The following FAM120A variants were observed in gnomAD, a reference collection of about 807,000 sequenced individuals.
The protein encoded by FAM120A is constitutive coactivator of PPAR-gamma-like protein 1.
Under a neutral mutation model 109.7 loss-of-function variants are expected in FAM120A, and 15 were observed. The observed-to-expected ratio is 0.14, with a 90% CI of 0.09 to 0.21. The LOEUF is 0.21. Among genes scored for constraint, FAM120A ranks in the 10% least tolerant of loss-of-function variants. The pLI is 1.00. For synonymous variants in FAM120A, 493 were observed against 572.8 expected (o/e 0.86, Z 1.99); for missense variants, 899 against 1,439.3 (o/e 0.62, Z 6.07).
chr9:93,556,742 C>T, intron 13 of FAM120A, 151 bp downstream of exon 13: 2 of 708,860 alleles, frequency 2.8e-6, no homozygotes, highest in East Asian at 5.4e-5. Context: ...AATATCACTT[C>T]AGTACCCAGG....
At chr9:93,456,002 A>T (rs929872834) in intron 1 of FAM120A, among the ~76,000 whole-genome samples, 5 of 152,212 alleles carry the variant, frequency 3.3e-5, no homozygotes, top group African/African-American at 1.2e-4. Flanking sequence ...TCTTTTACAG[A>T]GTAGTAATTG....
At chr9:93,519,248 T>A (rs1159020476) in intron 7 of FAM120A, among the ~76,000 whole-genome samples, 1 of 152,194 alleles carries the variant, frequency 6.6e-6, no homozygotes, top group African/African-American at 2.4e-5. Flanking sequence ...TATGTATTTT[T>A]AAATTTTTTT....
intron 3 of FAM120A, among the ~76,000 whole-genome samples, chr9:93,496,389 T>C (rs958236318): frequency 1.3e-5 from 2 of 152,246 alleles, no homozygotes; most frequent in African/African-American, 4.8e-5. Flanking sequence ...GAAATGTATT[T>C]CTTTAATAAT....
intron 5 of FAM120A, among the ~76,000 whole-genome samples, chr9:93,510,407 A>G: frequency 6.6e-6 from 1 of 152,224 alleles, no homozygotes; most frequent in Non-Finnish European, 1.5e-5. Flanking sequence ...GGATGCACTT[A>G]GGTTTATTAA....
intron 11 of FAM120A, among the ~76,000 whole-genome samples, chr9:93,547,407 A>C (rs1268714355): frequency 6.6e-6 from 1 of 152,238 alleles, no homozygotes; most frequent in Non-Finnish European, 1.5e-5. Context: ...TGGGTGACAC[A>C]GCAGGTGGCC....
At chr9:93,523,360 A>G in intron 7 of FAM120A, 1 of 1,284,292 alleles carries the variant, frequency 7.8e-7, no homozygotes, top group South Asian at 1.2e-5. Context: ...ATCCTGAGGC[A>G]TGGGTAGGTA....
intron 3 of FAM120A, among the ~76,000 whole-genome samples, chr9:93,489,800 C>T (rs1859233839): frequency 6.6e-6 from 1 of 152,186 alleles, no homozygotes; most frequent in African/African-American, 2.4e-5. Context: ...TTTCCTTTCT[C>T]TTGACTGTTG....
At chr9:93,546,001 G>A (rs1351613909) in intron 11 of FAM120A, among the ~76,000 whole-genome samples, 1 of 151,740 alleles carries the variant, frequency 6.6e-6, no homozygotes, top group African/African-American at 2.4e-5. Context: ...GGTCAGGCTG[G>A]TCTTGAACTC....
chr9:93,523,914 C>G (rs1860953862), intron 7 of FAM120A, among the ~76,000 whole-genome samples: 1 of 152,222 alleles, frequency 6.6e-6, no homozygotes, highest in African/African-American at 2.4e-5. Context: ...CTTGTAGCTT[C>G]CCTGGTCAGG....
At chr9:93,554,927 A>G (rs547920091) in intron 12 of FAM120A, among the ~76,000 whole-genome samples, 32 of 152,276 alleles carry the variant, frequency 2.1e-4, no homozygotes, top group Admixed American at 2.0e-3. Flanking sequence ...CTGCAGTGCA[A>G]GGGGCCAGGA....
At chr9:93,525,284 C>T (rs945296418) in intron 7 of FAM120A, among the ~76,000 whole-genome samples, 10 of 150,060 alleles carry the variant, frequency 6.7e-5, no homozygotes, top group South Asian at 4.2e-4. Flanking sequence ...CATGGTGCCT[C>T]GGCTCTCCAG....
intron 1 of FAM120A, among the ~76,000 whole-genome samples, chr9:93,454,464 C>T (rs16909150): frequency 0.076 from 11,616 of 152,210 alleles, 572 homozygotes; most frequent in Non-Finnish European, 0.1. Context: ...CTGAAGAATC[C>T]TTTAAGCTCT....
At chr9:93,562,354 C>A in intron 17 of FAM120A, 50 bp downstream of exon 17, 1 of 1,430,394 alleles carries the variant, frequency 7.0e-7, no homozygotes. Context: ...TCAGGGATGT[C>A]TCCTGTCTGA....
intron 7 of FAM120A, among the ~76,000 whole-genome samples, chr9:93,520,500 G>A (rs1860801060): frequency 6.6e-6 from 1 of 152,214 alleles, no homozygotes; most frequent in South Asian, 2.1e-4. Flanking sequence ...CTATAAAATT[G>A]TCAAACATTT....
At chr9:93,455,573 C>G (rs1272890860) in intron 1 of FAM120A, among the ~76,000 whole-genome samples, 2 of 152,076 alleles carry the variant, frequency 1.3e-5, no homozygotes, top group Non-Finnish European at 2.9e-5. Context: ...GTAAATGAGA[C>G]ATTTATAAAA....
At chr9:93,550,489 G>A (rs1215331991) in intron 11 of FAM120A, 88 bp from the exon 12 acceptor site, 1 of 918,610 alleles carries the variant, frequency 1.1e-6, no homozygotes, top group Non-Finnish European at 1.8e-6. Flanking sequence ...ACATCATCCG[G>A]GATTTACCTA....
Position 93,557,882 on chromosome 9 carries a change from G to C in FAM120A, c.2540G>C (p.Ser847Thr). 6.2e-7 allele frequency: 1 copy of C among 1,613,500 alleles called. No individual in the cohort carries two copies. The highest frequency in any genetic ancestry group is 8.5e-7 in the Non-Finnish European group (1 of 1,180,034). Residue 847 changes from serine (S) to threonine (T), a missense_variant, in exon 14 of 18, where the codon AGC becomes ACC. Ser to Thr is a moderately conservative substitution (Grantham distance 58, BLOSUM62 1). Coordinates refer to ENST00000277165, the MANE Select transcript of FAM120A (RefSeq NM_014612.5). Reference protein sequence around the residue: ...KMRQSVLEGLSFSRQSHTLPF... With the variant: ...KMRQSVLEGLTFSRQSHTLPF... ...CGCCAGAGCGTCCTCGAGGGGCTCA[G>C]CTTCTCCAGGCAGAGCCACACGCTC...
At position 93,469,406 on chromosome 9, in the gene FAM120A, C is replaced by A. The variant is rs921632808; in HGVS notation, c.475-1735C>A. 1.3e-4 allele frequency among the ~76,000 whole-genome samples: 20 copies of A among 152,230 alleles called. 1 individual carries two copies. Among genetic ancestry groups the A allele is most frequent in the Admixed American group, 7.2e-4 (11 of 15,284 alleles). ...GAGCCAAGAAGGGAGTGGTCACTTA[C>A]TGTCTCCTTTCATTTTCGTGTCTCT... On this transcript the variant is annotated intron_variant, in intron 1 of 17. Transcript: ENST00000277165.
At chr9:93,521,534 A>T (rs916716791) in intron 7 of FAM120A, among the ~76,000 whole-genome samples, 6 of 151,718 alleles carry the variant, frequency 4.0e-5, no homozygotes, top group Non-Finnish European at 7.4e-5. Flanking sequence ...GTGAGCCATG[A>T]TGGCACCACT....
Sources: gnomAD v4.1 joint callset for allele counts (sites outside exome capture counted in the v4.1 genomes callset) on GRCh38, gnomAD v4.1.1 for gene constraint, MANE v1.5 for transcripts, NCBI Gene and HGNC (gene_info 2026-07-23, HGNC 2026-07-21) for gene names.